TENM2: variants seen among roughly 807,000 people sequenced by gnomAD.
The protein encoded by TENM2 is teneurin-2.
A neutral mutation model predicts 245.2 loss-of-function variants in TENM2; 52 were observed. That is an observed-to-expected ratio of 0.21 (90% confidence interval 0.17 to 0.27). The LOEUF is 0.27. TENM2 is among the 10% of genes least tolerant of loss of function. The probability of loss-of-function intolerance (pLI) is 1.00; values close to 1 mark genes in which losing one functional copy is unlikely to be tolerated. For missense variants in TENM2, 3,046 were observed against 3,666.8 expected (o/e 0.83, Z 4.37); for synonymous variants, 1,363 against 1,438.9 (o/e 0.95, Z 1.19).
chr5:167,255,745 GAAAATAAAGAAT>G, the TENM2 span, among the ~76,000 whole-genome samples: 1 of 152,108 alleles, frequency 6.6e-6, no homozygotes, highest in Admixed American at 6.6e-5. Context: ...TCCTCAAATA[GAAAATAAAGAAT>G]ATGTCAGTGC....
intron 2 of TENM2, among the ~76,000 whole-genome samples, chr5:167,657,414 G>A (rs1418590235): frequency 6.6e-6 from 1 of 152,000 alleles, no homozygotes; most frequent in African/African-American, 2.4e-5. Flanking sequence ...TCCCTATCTT[G>A]GCTATTGCAA....
chr5:167,225,706 C>T, the TENM2 span, among the ~76,000 whole-genome samples: 1 of 151,844 alleles, frequency 6.6e-6, no homozygotes, highest in Non-Finnish European at 1.5e-5. Context: ...ATTTCTTTCT[C>T]TTAAATTTTT....
the TENM2 span, among the ~76,000 whole-genome samples, chr5:167,056,520 GTATATATC>G: frequency 6.4e-5 from 9 of 140,872 alleles, no homozygotes; most frequent in African/African-American, 1.9e-4. Context: ...TGTATTTTAT[GTATATATC>G]TATATATCTA....
At chr5:167,071,389 A>G in the TENM2 span, among the ~76,000 whole-genome samples, 1 of 152,200 alleles carries the variant, frequency 6.6e-6, no homozygotes. Flanking sequence ...TGTGATATAA[A>G]GACAATAAAG....
At chr5:167,283,392 G>C (rs1439298726), upstream of TENM2, among the ~76,000 whole-genome samples, 2 of 152,060 alleles carry the variant, frequency 1.3e-5, no homozygotes, top group Admixed American at 6.5e-5. Flanking sequence ...ACAATTACAG[G>C]CAATATTTGA....
At chr5:167,636,820 A>T (rs1779234788) in intron 2 of TENM2, among the ~76,000 whole-genome samples, 1 of 152,234 alleles carries the variant, frequency 6.6e-6, no homozygotes, top group Admixed American at 6.5e-5. Flanking sequence ...ATTGTATTGT[A>T]CATACTAATA....
rs371154073 is a variant in TENM2, at chr5:168,017,374, T to C, written c.1186+24192T>C. On this transcript the variant is annotated intron_variant, in intron 5 of 28. Transcript: ENST00000518659. Reference sequence around the variant, plus strand: ...AGGAAAATTATAAAGTGTTGTGACATGTAATAAGACAATGGCTATTATTTT... The same window carrying C: ...AGGAAAATTATAAAGTGTTGTGACACGTAATAAGACAATGGCTATTATTTT... 1.4e-3 allele frequency among the ~76,000 whole-genome samples: 213 copies of C among 152,362 alleles called. 4 individuals carry two copies. In the South Asian group the frequency reaches 0.04, roughly 29 times the overall value.
rs536011847 is a variant in TENM2, at chr5:168,063,628, A to T, written c.1515+1363A>T. Among the ~76,000 whole-genome samples the T allele has an allele frequency of 2.0e-5, 3 of 152,336 alleles. No homozygotes were observed. In the South Asian group the frequency reaches 6.2e-4, roughly 32 times the overall value. On this transcript the variant is annotated intron_variant, in intron 7 of 28. Coordinates refer to ENST00000518659, the Ensembl canonical transcript of TENM2. ...AGAACTTAAAGCTATAAAAAAACCC[A>T]TTGGCAAATGCAAGGTAGTCAGGCT...
chr5:167,701,397 GT>G (rs77173033), intron 2 of TENM2, among the ~76,000 whole-genome samples: 28,844 of 144,706 alleles, frequency 0.2, 3,200 homozygotes, highest in East Asian at 0.41. Flanking sequence ...TTGGGTGTTT[GT>G]TTTTTTTTTT....
chr5:167,695,850 T>C (rs1396190110), intron 2 of TENM2, among the ~76,000 whole-genome samples: 2 of 151,290 alleles, frequency 1.3e-5, no homozygotes, highest in African/African-American at 2.4e-5. Flanking sequence ...CTGGCTAACA[T>C]GATGAAACCC....
chr5:167,483,887 C>A (rs942911803), intron 2 of TENM2, among the ~76,000 whole-genome samples: 4 of 152,110 alleles, frequency 2.6e-5, no homozygotes, highest in Admixed American at 2.6e-4. Context: ...GACAGAGTAC[C>A]AAGCTCTGAA....
intron 2 of TENM2, among the ~76,000 whole-genome samples, chr5:167,696,476 T>G (rs1174622737): frequency 1.3e-5 from 2 of 152,222 alleles, no homozygotes; most frequent in Admixed American, 1.3e-4. Flanking sequence ...TCTGCCACAC[T>G]TTTTATCTCA....
At chr5:167,814,001 G>A (rs781184993) in intron 2 of TENM2, among the ~76,000 whole-genome samples, 6 of 152,030 alleles carry the variant, frequency 3.9e-5, no homozygotes, top group Middle Eastern at 3.2e-3. Flanking sequence ...GCTTCTCATC[G>A]TCCACCTTTC....
chr5:167,253,221 A>G, the TENM2 span, among the ~76,000 whole-genome samples: 1 of 149,774 alleles, frequency 6.7e-6, no homozygotes, highest in African/African-American at 2.5e-5. Context: ...CTCTTCAGTA[A>G]CTGAGATCAC....
At position 168,247,253 on chromosome 5, in the gene TENM2, C is replaced by T; in HGVS notation, c.6314C>T (p.Pro2105Leu). ...AGCTTCCGCATCGCAAGCATCAAGC[C>T]CGTCATAAGTGAGACTCCCCTCCCC... The change falls in exon 27 of 29, where the codon CCC (proline) becomes CTC (leucine). Residue 2105 changes from proline to leucine, a missense_variant. Coordinates refer to ENST00000518659, the Ensembl canonical transcript of TENM2. This position sits in a 1 kb window ranked among gnomAD's most constrained non-coding sequence, Gnocchi z 7.8. The T allele has an allele frequency of 6.2e-7, 1 of 1,613,934 alleles. No individual in the cohort carries two copies. The highest frequency in any genetic ancestry group is 8.5e-7 in the Non-Finnish European group (1 of 1,179,898).
chr5:167,681,882 C>G (rs191905905), intron 2 of TENM2, among the ~76,000 whole-genome samples: 1 of 152,176 alleles, frequency 6.6e-6, no homozygotes, highest in Non-Finnish European at 1.5e-5. Context: ...CCTATTTTCT[C>G]TTTAACTATG....
intron 2 of TENM2, among the ~76,000 whole-genome samples, chr5:167,768,347 T>C (rs1561758974): frequency 6.6e-6 from 1 of 152,176 alleles, no homozygotes; most frequent in Non-Finnish European, 1.5e-5. Context: ...ATTTTTAAAC[T>C]ATTGAAAATC....
chr5:168,214,945 G>C lies in TENM2; in HGVS notation c.3846-95G>C, dbSNP rs537327192. 4.7e-4 allele frequency: 445 copies of C among 951,304 alleles called. 8 individuals carry two copies. The South Asian group carries it at 5.8e-3, about 12-fold the overall frequency. 58.9% of individuals were successfully genotyped at this position (951,304 alleles called of 1,614,324 possible). ...CTAAAGTGGAAAGACACTAGAGAAG[G>C]TAAGCGTCTTGCTAGGATTTTTGTC... On this transcript the variant is annotated intron_variant, in intron 20 of 28. Transcript: ENST00000518659.
At chr5:167,482,860 T>C (rs1220302681) in intron 2 of TENM2, among the ~76,000 whole-genome samples, 2 of 152,170 alleles carry the variant, frequency 1.3e-5, no homozygotes, top group Non-Finnish European at 2.9e-5. Context: ...GCTCAATAAT[T>C]GTTAGCAGCA....
Sources: gnomAD v4.1 joint callset for allele counts (sites outside exome capture counted in the v4.1 genomes callset) on GRCh38, gnomAD v4.1.1 for gene constraint, Gnocchi (gnomAD v3.1) non-coding constraint, MANE v1.5 for transcripts, NCBI Gene and HGNC (gene_info 2026-07-23, HGNC 2026-07-21) for gene names.